PILRA: variants seen among roughly 807,000 people sequenced by gnomAD.
PILRA encodes the protein paired immunoglobin like type 2 receptor alpha, also known as paired immunoglobulin-like type 2 receptor alpha.
A neutral mutation model predicts 33.1 loss-of-function variants in PILRA; 37 were observed. That is an observed-to-expected ratio of 1.12 (90% CI 0.86 to 1.47). The LOEUF (loss-of-function observed/expected upper bound fraction) is 1.47, where lower values mean the gene tolerates loss of function less well. Among genes scored for constraint, PILRA ranks in the 40% most tolerant of loss-of-function variants. The probability of loss-of-function intolerance (pLI) is 0.00; values close to 1 mark genes in which losing one functional copy is unlikely to be tolerated. For synonymous variants in PILRA, 146 were observed against 149.9 expected, an observed-to-expected ratio of 0.97 and a Z score of 0.19; for missense variants, 312 against 376.2, an observed-to-expected ratio of 0.83 and a Z score of 1.41.
chr7:100,399,951 A>C lies in PILRA; in HGVS notation c.*44A>C. On this transcript the variant is annotated 3_prime_UTR_variant, in exon 7 of 7. Coordinates refer to ENST00000198536, the MANE Select transcript of PILRA (RefSeq NM_013439.3). ...AAGACTGAATGGTGAGGCCAGGTAC[A>C]GTGGCGCACACCTGTAATCCCAGCT... 1 of 1,536,620 alleles carries C rather than the reference A, an allele frequency of 6.5e-7. No individual in the cohort carries two copies. Among genetic ancestry groups the C allele is most frequent in the Non-Finnish European group, 8.8e-7 (1 of 1,139,310 alleles).
intron 3 of PILRA, among the ~76,000 whole-genome samples, chr7:100,395,498 G>C (rs1791475646): frequency 6.6e-6 from 1 of 152,086 alleles, no homozygotes; most frequent in Non-Finnish European, 1.5e-5. Flanking sequence ...TTACTTTTCA[G>C]CAACCTCTTG....
rs1486814843 is a variant in PILRA at position 100,373,526 on chromosome 7, C to T, written c.-131C>T. The T allele has an allele frequency of 4.0e-6, 4 of 995,796 alleles. No homozygotes were observed. The highest frequency in any genetic ancestry group is 1.6e-5 in the African/African-American group (1 of 63,068). 61.7% of individuals were successfully genotyped at this position (995,796 alleles called of 1,614,324 possible). On this transcript the variant is annotated 5_prime_UTR_variant, in exon 1 of 7. Transcript: ENST00000198536. The stretch of plus-strand genomic sequence containing the variant: ...CTGGTTTGGGGAAGGCTCCTGGCCC[C>T]CACAGCCCTCTTCGGAGCCTGAGCC...
chr7:100,385,606 C>T (rs576344713), intron 2 of PILRA, among the ~76,000 whole-genome samples: 2 of 152,158 alleles, frequency 1.3e-5, no homozygotes, highest in Non-Finnish European at 2.9e-5. Context: ...AGTATATATA[C>T]ATCTATGTCT....
At chr7:100,399,450 C>T (rs948618247) in intron 5 of PILRA, 110 bp downstream of exon 5, 75 of 1,365,222 alleles carry the variant, frequency 5.5e-5, no homozygotes, top group Non-Finnish European at 6.5e-5. Context: ...TCTTTCCATT[C>T]CTTGCCCCTT....
At chr7:100,373,870 TC>T (rs1221341079) in intron 1 of PILRA, 150 bp downstream of exon 1, 8 of 1,247,308 alleles carry the variant, frequency 6.4e-6, no homozygotes, top group Non-Finnish European at 7.8e-6. Flanking sequence ...CCCCATCCTC[TC>T]CCCCTCCTCC....
chr7:100,388,285 G>T (rs1791297047), intron 2 of PILRA, among the ~76,000 whole-genome samples: 1 of 152,054 alleles, frequency 6.6e-6, no homozygotes, highest in South Asian at 2.1e-4. Flanking sequence ...TTGTCCTGTG[G>T]CTGAGTACTA....
chr7:100,399,986 C>T lies in PILRA; in HGVS notation c.*79C>T. ...ACCTGTAATCCCAGCTACTCTGAAG[C>T]CTGAGGCAGAATCAAGTGAGCCCAG... On this transcript the variant is annotated 3_prime_UTR_variant, in exon 7 of 7. Coordinates refer to ENST00000198536, the MANE Select transcript of PILRA (RefSeq NM_013439.3). 2 of 1,401,998 alleles carry T rather than the reference C, an allele frequency of 1.4e-6. No homozygotes were observed. Among genetic ancestry groups the T allele is most frequent in the Admixed American group, 2.6e-5 (1 of 39,064 alleles). The allele number at this position is 1,401,998 out of a possible 1,614,324, so 86.8% of individuals were successfully genotyped here.
chr7:100,373,374 G>A (rs1425762104), upstream of PILRA: 4 of 567,104 alleles, frequency 7.1e-6, no homozygotes, highest in Non-Finnish European at 1.3e-5. Flanking sequence ...CCAGCCCCTC[G>A]GCAGGAGGAC....
intron 4 of PILRA, among the ~76,000 whole-genome samples, chr7:100,398,524 C>T (rs1791547051): frequency 6.6e-6 from 1 of 152,168 alleles, no homozygotes; most frequent in South Asian, 2.1e-4. Context: ...GAAAGCCTCA[C>T]CCCTACCCTT....
chr7:100,382,750 C>T (rs967551329), intron 2 of PILRA, among the ~76,000 whole-genome samples: 1 of 152,150 alleles, frequency 6.6e-6, no homozygotes, highest in Non-Finnish European at 1.5e-5. Context: ...CTTGCTGCTG[C>T]TTGCTCTTTG....
intron 4 of PILRA, 77 bp downstream of exon 4, chr7:100,397,989 T>A: frequency 2.1e-6 from 3 of 1,451,210 alleles, no homozygotes; most frequent in Non-Finnish European, 2.9e-6. Context: ...ACAGGGAGTG[T>A]GCTGCTAAGA....
At chr7:100,394,585 T>G (rs1478899350) in intron 3 of PILRA, among the ~76,000 whole-genome samples, 16 of 124,564 alleles carry the variant, frequency 1.3e-4, no homozygotes, top group Admixed American at 5.8e-4. Context: ...CAGAGTGAGA[T>G]TCTATCTCAA....
chr7:100,375,687 G>A (rs775523189), intron 2 of PILRA, among the ~76,000 whole-genome samples: 2 of 152,130 alleles, frequency 1.3e-5, no homozygotes, highest in Non-Finnish European at 2.9e-5. Context: ...AGCTGAGATC[G>A]AGCAACTGCA....
chr7:100,390,628 TA>T (rs1286551949), intron 3 of PILRA, among the ~76,000 whole-genome samples: 1 of 152,106 alleles, frequency 6.6e-6, no homozygotes, highest in Non-Finnish European at 1.5e-5. Flanking sequence ...TGGTAGCACT[TA>T]ATAAGGGTGG....
intron 3 of PILRA, among the ~76,000 whole-genome samples, chr7:100,390,780 A>G (rs11771419): frequency 0.18 from 26,681 of 152,054 alleles, 2,484 homozygotes; most frequent in Middle Eastern, 0.2. Context: ...AAACCATTCC[A>G]GGAGCTGCAG....
chr7:100,394,019 C>T (rs1227319010), intron 3 of PILRA, among the ~76,000 whole-genome samples: 1 of 152,158 alleles, frequency 6.6e-6, no homozygotes. Flanking sequence ...AACCCTCCCA[C>T]TCCAAATACA....
intron 2 of PILRA, among the ~76,000 whole-genome samples, chr7:100,377,943 G>A (rs1790992874): frequency 1.3e-5 from 2 of 152,248 alleles, no homozygotes; most frequent in South Asian, 4.1e-4. Flanking sequence ...AGTCGATTCT[G>A]TTTCACTGAT....
At chr7:100,391,555 C>T (rs1022732191) in intron 3 of PILRA, among the ~76,000 whole-genome samples, 5 of 152,038 alleles carry the variant, frequency 3.3e-5, no homozygotes, top group African/African-American at 7.2e-5. Flanking sequence ...GGTGTGGTGG[C>T]GTGCGCCTGT....
rs1563114698 is a variant in PILRA, at chr7:100,374,435, T to C, written c.454+2T>C. 1.9e-6 allele frequency: 3 copies of C among 1,613,850 alleles called. No individual in the cohort carries two copies. Among genetic ancestry groups the C allele is most frequent in the Non-Finnish European group, 2.5e-6 (3 of 1,179,978 alleles). On this transcript the variant is annotated splice_donor_variant, in intron 2 of 6. Transcript: ENST00000198536. LOFTEE classifies it high-confidence loss of function. ...GGACCAAACTCTCCATCACCCAGGG[T>C]GAGTCCAGCTGCCCTGGCACCCGCT...
Sources: gnomAD v4.1 joint callset for allele counts (sites outside exome capture counted in the v4.1 genomes callset) on GRCh38, gnomAD v4.1.1 for gene constraint, MANE v1.5 for transcripts, NCBI Gene and HGNC (gene_info 2026-07-23, HGNC 2026-07-21) for gene names.